The following SCFD1 variants were observed in gnomAD, a reference collection of about 807,000 sequenced individuals.
The protein encoded by SCFD1 is sec1 family domain-containing protein 1.
Under a neutral mutation model 103.2 loss-of-function variants are expected in SCFD1, and 37 were observed. The observed-to-expected ratio is 0.36, with a 90% confidence interval of 0.28 to 0.47. The LOEUF (loss-of-function observed/expected upper bound fraction) is 0.47, where lower values mean the gene tolerates loss of function less well. Among genes scored for constraint, SCFD1 ranks in the 20% least tolerant of loss-of-function variants. The pLI is 1.00. For synonymous variants in SCFD1, 264 were observed against 245.0 expected, an observed-to-expected ratio of 1.08 and a Z score of -0.73; for missense variants, 639 against 761.2, an observed-to-expected ratio of 0.84 and a Z score of 1.89.
intron 7 of SCFD1, among the ~76,000 whole-genome samples, chr14:30,647,283 A>G (rs1316915281): frequency 2.6e-5 from 4 of 152,196 alleles, no homozygotes; most frequent in Non-Finnish European, 2.9e-5. Context: ...ACTACCATGT[A>G]TAGTCTTAAG....
intron 15 of SCFD1, among the ~76,000 whole-genome samples, chr14:30,698,734 G>A (rs971105783): frequency 1.3e-5 from 2 of 152,096 alleles, no homozygotes; most frequent in Non-Finnish European, 2.9e-5. Context: ...TTTCTAGCTG[G>A]GGCACCAAAA....
intron 10 of SCFD1, among the ~76,000 whole-genome samples, chr14:30,665,722 A>C (rs1887893362): frequency 6.6e-6 from 1 of 152,196 alleles, no homozygotes; most frequent in Non-Finnish European, 1.5e-5. Flanking sequence ...TGGAAAGCAA[A>C]AAAAAGCAGG....
intron 19 of SCFD1, among the ~76,000 whole-genome samples, chr14:30,714,215 G>A (rs1252360280): frequency 1.3e-5 from 2 of 151,542 alleles, no homozygotes; most frequent in East Asian, 1.9e-4. Flanking sequence ...TTAGCCGGGC[G>A]CAGTGGCGGG....
chr14:30,633,480 G>A (rs1884389504), intron 3 of SCFD1, among the ~76,000 whole-genome samples: 1 of 152,078 alleles, frequency 6.6e-6, no homozygotes, highest in Non-Finnish European at 1.5e-5. Flanking sequence ...TTGATTTCAT[G>A]TTTGGTTAAA....
intron 14 of SCFD1, among the ~76,000 whole-genome samples, chr14:30,677,591 C>G: frequency 6.8e-6 from 1 of 147,596 alleles, no homozygotes; most frequent in Middle Eastern, 3.2e-3. Flanking sequence ...CTGTATTGTT[C>G]TCATTATTTC....
intron 15 of SCFD1, among the ~76,000 whole-genome samples, chr14:30,698,364 A>C (rs1396116947): frequency 6.6e-6 from 1 of 152,230 alleles, no homozygotes; most frequent in Non-Finnish European, 1.5e-5. Flanking sequence ...AGCCCTTAGC[A>C]TCAGATTGGT....
chr14:30,726,311 A>G (rs918888042), intron 23 of SCFD1, among the ~76,000 whole-genome samples: 4 of 152,210 alleles, frequency 2.6e-5, no homozygotes, highest in Admixed American at 2.0e-4. Context: ...GTGAAATTTT[A>G]TAACAATTAT....
chr14:30,690,676 C>A (rs543371077), intron 14 of SCFD1, among the ~76,000 whole-genome samples: 10 of 148,440 alleles, frequency 6.7e-5, no homozygotes, highest in Non-Finnish European at 1.2e-4. Flanking sequence ...GGCTCGCGCA[C>A]GGTGCGCACA....
chr14:30,677,827 CTTTTTTTTT>C (rs58942207), intron 14 of SCFD1, among the ~76,000 whole-genome samples: 3 of 67,514 alleles, frequency 4.4e-5, no homozygotes, highest in African/African-American at 6.6e-5. Flanking sequence ...ACCTAAGCAC[CTTTTTTTTT>C]TTTTTTTTTT....
intron 14 of SCFD1, among the ~76,000 whole-genome samples, chr14:30,679,873 C>G (rs2038451): frequency 0.22 from 33,237 of 151,978 alleles, 3,895 homozygotes; most frequent in East Asian, 0.46. Flanking sequence ...GGTGTCTTTT[C>G]TTTAAGACAG....
intron 14 of SCFD1, among the ~76,000 whole-genome samples, chr14:30,681,245 A>G (rs1354663972): frequency 6.6e-6 from 1 of 151,538 alleles, no homozygotes; most frequent in Non-Finnish European, 1.5e-5. Flanking sequence ...AGCGCTCAAC[A>G]TACTGGTTGA....
chr14:30,684,691 T>C (rs1252165120), intron 14 of SCFD1, among the ~76,000 whole-genome samples: 3 of 151,500 alleles, frequency 2.0e-5, no homozygotes, highest in Non-Finnish European at 2.9e-5. Flanking sequence ...CATAGTGCTT[T>C]TGATTGTCTA....
chr14:30,692,642 A>C (rs1222476819), intron 14 of SCFD1, among the ~76,000 whole-genome samples: 1 of 152,226 alleles, frequency 6.6e-6, no homozygotes, highest in East Asian at 1.9e-4. Context: ...AGTTTAATGA[A>C]ATAACTATTT....
At chr14:30,690,847 TA>T (rs1890244632) in intron 14 of SCFD1, among the ~76,000 whole-genome samples, 2 of 152,368 alleles carry the variant, frequency 1.3e-5, no homozygotes, top group South Asian at 2.1e-4. Flanking sequence ...CACTTATTCT[TA>T]ATATTTATTG....
intron 19 of SCFD1, among the ~76,000 whole-genome samples, chr14:30,712,770 A>T (rs556085764): frequency 2.4e-3 from 358 of 152,308 alleles, no homozygotes; most frequent in Non-Finnish European, 2.8e-3. Context: ...TATATCTATA[A>T]TGGCTTTCTA....
intron 1 of SCFD1, among the ~76,000 whole-genome samples, chr14:30,627,745 G>GAAAAAAA (rs11312585): frequency 8.8e-5 from 7 of 79,474 alleles, no homozygotes; most frequent in Admixed American, 1.3e-4. Context: ...CTCTGTCTCA[G>GAAAAAAA]AAAAAAAAAA....
At chr14:30,655,526 A>G (rs758708820) in intron 10 of SCFD1, among the ~76,000 whole-genome samples, 2 of 152,224 alleles carry the variant, frequency 1.3e-5, no homozygotes, top group Non-Finnish European at 2.9e-5. Context: ...TCTAGCTGTT[A>G]TACTGAAAAT....
intron 7 of SCFD1, among the ~76,000 whole-genome samples, 187 bp downstream of exon 7, chr14:30,643,592 C>G (rs1277743049): frequency 1.3e-5 from 2 of 152,124 alleles, no homozygotes; most frequent in African/African-American, 4.8e-5. Flanking sequence ...GTTCTCTTAA[C>G]ATTTAACAGA....
intron 17 of SCFD1, among the ~76,000 whole-genome samples, chr14:30,703,232 A>G (rs1259596624): frequency 4.0e-5 from 6 of 151,206 alleles, no homozygotes; most frequent in Admixed American, 2.0e-4. Flanking sequence ...AAATGACATA[A>G]GAAATAAAAC....
Sources: gnomAD v4.1 joint callset for allele counts (sites outside exome capture counted in the v4.1 genomes callset) on GRCh38, gnomAD v4.1.1 for gene constraint, MANE v1.5 for transcripts, NCBI Gene and HGNC (gene_info 2026-07-23, HGNC 2026-07-21) for gene names.